Variants in PACSIN1 observed in about 807,000 individuals in gnomAD.
The protein encoded by PACSIN1 is protein kinase C and casein kinase substrate in neurons protein 1.
A neutral mutation model predicts 59.5 loss-of-function variants in PACSIN1; 15 were observed. The ratio of observed to expected loss-of-function variants is 0.25; its 90% CI spans 0.17 to 0.39. PACSIN1 has a LOEUF of 0.39. PACSIN1 is among the 10% of genes least tolerant of loss of function. The pLI is 1.00. For missense variants in PACSIN1, 420 were observed against 580.2 expected, an observed-to-expected ratio of 0.72 and a Z score of 2.84; for synonymous variants, 210 against 220.6, an observed-to-expected ratio of 0.95 and a Z score of 0.42.
At position 34,525,384 on chromosome 6, in the gene PACSIN1, C is replaced by T. The variant is rs946082341; in HGVS notation, c.-63-859C>T. On this transcript the variant is annotated intron_variant, in intron 1 of 9. Transcript: ENST00000244458. The surrounding 1 kb of genome is among the most constrained non-coding windows in gnomAD (Gnocchi z 4.9). ...TTGCCCCTGCCCTGAGCCTGAGAGCCAACTGCTGGACCCCCAGGTTGGGCT... is the reference window on the plus strand; with the variant it reads ...TTGCCCCTGCCCTGAGCCTGAGAGCTAACTGCTGGACCCCCAGGTTGGGCT... Among the ~76,000 whole-genome samples the T allele has an allele frequency of 2.6e-5, 4 of 152,226 alleles. No homozygotes were observed. The highest frequency in any genetic ancestry group is 7.2e-5 in the African/African-American group (3 of 41,446).
intron 1 of PACSIN1, among the ~76,000 whole-genome samples, chr6:34,493,298 ATCTGCTTAGTCTT>A (rs1335676468): frequency 2.0e-5 from 3 of 152,208 alleles, no homozygotes; most frequent in Non-Finnish European, 4.4e-5. Flanking sequence ...TACACAGTAT[ATCTGCTTAGTCTT>A]TCAGCTATTG....
At chr6:34,489,954 C>G (rs1380581700) in intron 1 of PACSIN1, among the ~76,000 whole-genome samples, 7 of 152,202 alleles carry the variant, frequency 4.6e-5, no homozygotes, top group Non-Finnish European at 7.3e-5. Context: ...GACCTGGTCT[C>G]TCCTTCAGTC....
At chr6:34,476,610 A>G (rs1766642352) in intron 1 of PACSIN1, among the ~76,000 whole-genome samples, 1 of 152,200 alleles carries the variant, frequency 6.6e-6, no homozygotes, top group South Asian at 2.1e-4. Context: ...TACAGGGCTC[A>G]GGATCCCTGC....
chr6:34,483,732 G>A (rs1429356166), intron 1 of PACSIN1, among the ~76,000 whole-genome samples: 2 of 133,930 alleles, frequency 1.5e-5, no homozygotes, highest in Admixed American at 9.0e-5. Flanking sequence ...TGCAACCTCC[G>A]CCTCCCGGGT....
Position 34,527,338 on chromosome 6 carries a change from A to G in PACSIN1, c.70A>G (p.Asn24Asp). Residue 24 changes from asparagine (N) to aspartate (D), a missense_variant, in exon 3 of 10, where the codon AAC (asparagine) becomes GAC (aspartate). By Grantham distance (23) the Asn-to-Asp change is conservative (BLOSUM62 1). Transcript: ENST00000244458. The part of the protein sequence containing the change: ...ETTDSFWEVG[N>D]YKRTVKRIDD... Reference sequence around the variant, plus strand: ...CTCGCTGCTTGGCCGCCAGGTGGGGAACTACAAGCGGACCGTGAAGCGCAT... The same window carrying G: ...CTCGCTGCTTGGCCGCCAGGTGGGGGACTACAAGCGGACCGTGAAGCGCAT... 3 of 1,574,170 alleles carry G rather than the reference A, an allele frequency of 1.9e-6. No homozygotes were observed. Among genetic ancestry groups the G allele is most frequent in the South Asian group, 1.2e-5 (1 of 86,368 alleles).
At chr6:34,527,029 C>G (rs1257693500) in intron 2 of PACSIN1, among the ~76,000 whole-genome samples, 2 of 152,148 alleles carry the variant, frequency 1.3e-5, no homozygotes, top group Non-Finnish European at 2.9e-5. Flanking sequence ...TTCATTCCAG[C>G]CCAAGTCCAA....
rs2127274646 is a variant in PACSIN1, at chr6:34,528,855, C to T, written c.434C>T (p.Pro145Leu). 5 of 1,341,378 alleles carry T rather than the reference C, an allele frequency of 3.7e-6. No homozygotes were observed. In the East Asian group the frequency reaches 2.3e-4, roughly 62 times the overall value. The allele number at this position is 1,341,378 out of a possible 1,614,324, so 83.1% of individuals were successfully genotyped here. Reference sequence around the variant, plus strand: ...GATGGCTTCCGCAAGGCCCAGAAGCCTTGGGCCAAGAAGATGAAGGAGGTG... The same window carrying T: ...GATGGCTTCCGCAAGGCCCAGAAGCTTTGGGCCAAGAAGATGAAGGAGGTG... Reference protein sequence around the residue: ...AEDGFRKAQKPWAKKMKELEA... With the variant: ...AEDGFRKAQKLWAKKMKELEA... The change falls in exon 4 of 10, where the codon CCT (proline) becomes CTT (leucine). Residue 145 changes from proline to leucine, a missense_variant. Coordinates refer to ENST00000244458, the MANE Select transcript of PACSIN1 (RefSeq NM_020804.5).
At chr6:34,520,074 T>G (rs1208548871) in intron 1 of PACSIN1, among the ~76,000 whole-genome samples, 4 of 151,884 alleles carry the variant, frequency 2.6e-5, no homozygotes, top group African/African-American at 9.7e-5. Flanking sequence ...AGAGGTTTTT[T>G]GGGGAGGGGT....
rs1273604238 is a variant in PACSIN1 at position 34,528,720 on chromosome 6, A to C, written c.299A>C (p.Glu100Ala). 2 of 1,613,928 alleles carry C rather than the reference A, an allele frequency of 1.2e-6. No homozygotes were observed. The highest frequency in any genetic ancestry group is 4.5e-5 in the East Asian group (2 of 44,876). ...GACAAGGTGAGCGAGCTGCACCAGG[A>C]GGTGAAGAACAATCTGCTGAATGAG... ...EADKVSELHQ[E>A]VKNNLLNEDL... The change falls in exon 4 of 10, where the codon GAG (glutamate) becomes GCG (alanine). Residue 100 changes from glutamate to alanine, a missense_variant. Physicochemically the swap from Glu to Ala is moderately radical, Grantham distance 107. Coordinates refer to ENST00000244458, the MANE Select transcript of PACSIN1 (RefSeq NM_020804.5).
chr6:34,524,891 C>T (rs72898495), intron 1 of PACSIN1, among the ~76,000 whole-genome samples: 58 of 152,286 alleles, frequency 3.8e-4, no homozygotes, highest in East Asian at 3.9e-4. Flanking sequence ...AACTCCTGCC[C>T]GCCCCCCAGC....
intron 1 of PACSIN1, among the ~76,000 whole-genome samples, chr6:34,480,568 C>T (rs1766702851): frequency 6.6e-6 from 1 of 152,124 alleles, no homozygotes; most frequent in Admixed American, 6.5e-5. Context: ...GTAAATAAAC[C>T]ATGATATACT....
At chr6:34,527,751 G>C (rs904015263) in intron 3 of PACSIN1, 1 of 306,784 alleles carries the variant, frequency 3.3e-6, no homozygotes, top group African/African-American at 2.2e-5. Context: ...CAGTAGCACA[G>C]AGAATTCCTA....
In PACSIN1 at chr6:34,521,834, A is replaced by G. The variant is rs1267159910; in HGVS notation, c.-63-4409A>G. Among the ~76,000 whole-genome samples, 1 of 152,154 alleles carries G rather than the reference A, an allele frequency of 6.6e-6. No individual in the cohort carries two copies. Among genetic ancestry groups the G allele is most frequent in the Non-Finnish European group, 1.5e-5 (1 of 68,016 alleles). On this transcript the variant is annotated intron_variant, in intron 1 of 9. Coordinates refer to ENST00000244458, the MANE Select transcript of PACSIN1 (RefSeq NM_020804.5). The surrounding 1 kb of genome is among the most constrained non-coding windows in gnomAD (Gnocchi z 4.3). ...TAATCCTTGCAACAGCCCATTTTAC[A>G]GATGCGGACGCCGAGGCCTGGGAAG...
intron 1 of PACSIN1, among the ~76,000 whole-genome samples, chr6:34,492,310 G>A (rs934139268): frequency 6.7e-6 from 1 of 148,866 alleles, no homozygotes; most frequent in African/African-American, 2.5e-5. Context: ...TTGGGTTCAG[G>A]CAATTCTCCT....
At chr6:34,470,177 A>G (rs1264268778) in intron 1 of PACSIN1, among the ~76,000 whole-genome samples, 1 of 151,472 alleles carries the variant, frequency 6.6e-6, no homozygotes, top group African/African-American at 2.4e-5. Flanking sequence ...GGCCTTGGCT[A>G]TTATTATTAT....
chr6:34,520,635 G>A (rs762236894), intron 1 of PACSIN1, among the ~76,000 whole-genome samples: 3 of 152,194 alleles, frequency 2.0e-5, no homozygotes, highest in African/African-American at 4.8e-5. Flanking sequence ...GTGAGGAGGC[G>A]CTCACAATGG....
Position 34,531,489 on chromosome 6 carries a change from T to G in PACSIN1, c.1038-111T>G. The stretch of plus-strand genomic sequence containing the variant: ...TCACCCCTCCTATGTGGCCAATCCT[T>G]GCTCTAGCCTTGGTAGAATTCGGGA... On this transcript the variant is annotated intron_variant, in intron 8 of 9. Transcript: ENST00000244458. This position sits in a 1 kb window ranked among gnomAD's most constrained non-coding sequence, Gnocchi z 4.4. 1 of 1,119,090 alleles carries G rather than the reference T, an allele frequency of 8.9e-7. No homozygotes were observed. Among genetic ancestry groups the G allele is most frequent in the South Asian group, 1.4e-5 (1 of 69,020 alleles). The allele number at this position is 1,119,090 out of a possible 1,614,324, so 69.3% of individuals were successfully genotyped here. A position where few individuals can be genotyped will look rare whatever the true frequency, so the allele number is the denominator to read the frequency against.
intron 1 of PACSIN1, among the ~76,000 whole-genome samples, chr6:34,483,392 A>C (rs1008669505): frequency 1.5e-4 from 23 of 152,312 alleles, no homozygotes; most frequent in Admixed American, 3.3e-4. Context: ...ATGTAGGACC[A>C]ACCTTGCCCA....
chr6:34,520,161 T>C lies in PACSIN1; in HGVS notation c.-63-6082T>C, dbSNP rs191986861. ...ATGAGCAAAGGGGCAGAGGCTCTAG[T>C]GGACACGGTGCATCTCAGCTGACTC... On this transcript the variant is annotated intron_variant, in intron 1 of 9. Transcript: ENST00000244458. Among the ~76,000 whole-genome samples, 12 of 152,190 alleles carry C rather than the reference T, an allele frequency of 7.9e-5. No individual in the cohort carries two copies. The East Asian group carries it at 2.1e-3, about 27-fold the overall frequency.
Sources: allele counts gnomAD v4.1 joint callset (sites outside exome capture counted in the v4.1 genomes callset), GRCh38; gene constraint gnomAD v4.1.1; non-coding constraint Gnocchi (gnomAD v3.1); transcripts MANE v1.5; gene names NCBI Gene and HGNC (gene_info 2026-07-23, HGNC 2026-07-21).